The following MRPL21 variants were observed in gnomAD, a reference collection of about 807,000 sequenced individuals.
MRPL21 encodes large ribosomal subunit protein bL21m.
Under a neutral mutation model 27.3 loss-of-function variants are expected in MRPL21, and 20 were observed. The ratio of observed to expected loss-of-function variants is 0.73; its 90% CI spans 0.52 to 1.06. The LOEUF is 1.06. Ranked by LOEUF, MRPL21 falls within the 50% of genes least tolerant of loss-of-function variation. The pLI is 0.00. For synonymous variants in MRPL21, 98 were observed against 101.5 expected (o/e 0.97, Z 0.21); for missense variants, 249 against 251.4 (o/e 0.99, Z 0.06).
rs1315192538 is a variant in MRPL21, at chr11:68,891,863, A to C, written c.554-468T>G. 1.3e-5 allele frequency: 6 copies of C among 475,562 alleles called. No homozygotes were observed. In the East Asian group the frequency reaches 1.8e-4, roughly 15 times the overall value. 29.5% of individuals were successfully genotyped at this position (475,562 alleles called of 1,614,324 possible). On this transcript the variant is annotated intron_variant, in intron 6 of 6. Coordinates refer to ENST00000362034, the MANE Select transcript of MRPL21 (RefSeq NM_181514.2). ...AACTGCAGTTATAGCAAGAGCTGTG[A>C]GGGACAGAATTCTGCAGCCGCTCAG...
At chr11:68,893,351 G>C in intron 5 of MRPL21, 52 bp downstream of exon 5, 1 of 1,612,750 alleles carries the variant, frequency 6.2e-7, no homozygotes, top group Non-Finnish European at 8.5e-7. Flanking sequence ...ACCACTGTCT[G>C]CATGTCCAGC....
chr11:68,891,952 T>C, intron 6 of MRPL21: 2 of 683,952 alleles, frequency 2.9e-6, no homozygotes, highest in Non-Finnish European at 4.4e-6. Flanking sequence ...ATGTCCTCAG[T>C]GCAGACCTGC....
chr11:68,900,531 C>G lies in MRPL21; in HGVS notation c.146+17G>C. 1 of 1,610,742 alleles carries G rather than the reference C, an allele frequency of 6.2e-7. No homozygotes were observed. Reference sequence around the variant, plus strand: ...ATGAAAGGAAAAGAGGCACCAAAACCCACATTTTGATATTACCCTGGTAGA... The same window carrying G: ...ATGAAAGGAAAAGAGGCACCAAAACGCACATTTTGATATTACCCTGGTAGA... On this transcript the variant is annotated intron_variant, in intron 2 of 6. Coordinates refer to ENST00000362034, the MANE Select transcript of MRPL21 (RefSeq NM_181514.2).
chr11:68,892,630 C>T (rs569717326), intron 6 of MRPL21: 2 of 1,385,282 alleles, frequency 1.4e-6, no homozygotes, highest in African/African-American at 1.6e-5. Context: ...AGAAGGGGAG[C>T]GAGGTGGGGT....
intron 3 of MRPL21, 160 bp from the exon 4 acceptor site, chr11:68,896,838 C>G: frequency 1.2e-6 from 1 of 827,450 alleles, no homozygotes; most frequent in Non-Finnish European, 1.9e-6. Flanking sequence ...TGCTCCACCC[C>G]CTGCAGGCAC....
At chr11:68,894,935 A>C (rs1489087675) in intron 4 of MRPL21, among the ~76,000 whole-genome samples, 2 of 152,216 alleles carry the variant, frequency 1.3e-5, no homozygotes, top group African/African-American at 2.4e-5. Flanking sequence ...CATCCCAGAA[A>C]AATTACCTGT....
Position 68,892,784 on chromosome 11 carries a change from C to T in MRPL21, c.553+106G>A, listed in dbSNP as rs1368368447. ...GCAGTGGCAGCCAGGTTGAGACCTG[C>T]CTGGGCTTCCTGTCCCGAGACCCAC... On this transcript the variant is annotated intron_variant, in intron 6 of 6. Coordinates refer to ENST00000362034, the MANE Select transcript of MRPL21 (RefSeq NM_181514.2). 1.9e-6 allele frequency: 3 copies of T among 1,548,198 alleles called. No homozygotes were observed. The South Asian group carries it at 3.5e-5, about 18-fold the overall frequency.
intron 4 of MRPL21, among the ~76,000 whole-genome samples, chr11:68,895,659 A>G (rs1857768904): frequency 6.6e-6 from 1 of 152,176 alleles, no homozygotes; most frequent in South Asian, 2.1e-4. Context: ...GAAAAATAAT[A>G]ATAAACAGAC....
At chr11:68,897,331 GAC>G (rs1430596934) in intron 3 of MRPL21, among the ~76,000 whole-genome samples, 2 of 152,146 alleles carry the variant, frequency 1.3e-5, no homozygotes, top group African/African-American at 4.8e-5. Flanking sequence ...CAGAAGGGAC[GAC>G]AGAGTGCCTG....
rs765619629 is a variant in MRPL21, at chr11:68,898,019, A to G, written c.147-7T>C. 2 of 1,612,004 alleles carry G rather than the reference A, an allele frequency of 1.2e-6. No homozygotes were observed. Among genetic ancestry groups the G allele is most frequent in the Admixed American group, 3.3e-5 (2 of 60,012 alleles). ...GGATGTTTTAGGAACATATCTGTAA[A>G]ACACATTTCGTAGACAAATGTCACA... On this transcript the variant is annotated splice_polypyrimidine_tract_variant and splice_region_variant and intron_variant, in intron 2 of 6. Coordinates refer to ENST00000362034, the MANE Select transcript of MRPL21 (RefSeq NM_181514.2).
chr11:68,895,577 G>C (rs898262698), intron 4 of MRPL21, among the ~76,000 whole-genome samples: 2 of 151,994 alleles, frequency 1.3e-5, no homozygotes, highest in African/African-American at 4.8e-5. Context: ...TTGAACCCAG[G>C]AGGTGGGGGT....
intron 2 of MRPL21, among the ~76,000 whole-genome samples, chr11:68,899,976 G>A (rs562272726): frequency 3.3e-5 from 5 of 152,292 alleles, no homozygotes; most frequent in East Asian, 1.9e-4. Context: ...AGGGGCAGCC[G>A]GAACTGCACC....
chr11:68,897,359 C>T (rs993561791), intron 3 of MRPL21, among the ~76,000 whole-genome samples: 1 of 152,326 alleles, frequency 6.6e-6, no homozygotes, highest in East Asian at 1.9e-4. Flanking sequence ...GAAACACTGT[C>T]AACACCAGAA....
At chr11:68,896,316 A>G (rs1043175180) in intron 4 of MRPL21, among the ~76,000 whole-genome samples, 199 bp downstream of exon 4, 4 of 152,210 alleles carry the variant, frequency 2.6e-5, no homozygotes, top group Non-Finnish European at 5.9e-5. Context: ...CACCGCCCTC[A>G]GAGCAGTGGA....
At position 68,903,814 on chromosome 11, in the gene MRPL21, C is replaced by CGCCGCCATCTTCCT. The variant is rs1566420748; in HGVS notation, c.-5_-4insAGGAAGATGGCGGC. ...CCGTCAGGGAAGATGCTGCCATGGC[C>CGCCGCCATCTTCCT]GCAGCCTCGGCCGGAAACGGAAACG... On this transcript the variant is annotated 5_prime_UTR_variant, in exon 1 of 7. In the 5' UTR this introduces an upstream ATG that the reference lacks. Transcript: ENST00000362034. 1.9e-6 allele frequency: 3 copies of CGCCGCCATCTTCCT among 1,612,730 alleles called. No homozygotes were observed. Among genetic ancestry groups the CGCCGCCATCTTCCT allele is most frequent in the Non-Finnish European group, 2.5e-6 (3 of 1,179,756 alleles).
At chr11:68,898,322 T>A (rs1174845025) in intron 2 of MRPL21, among the ~76,000 whole-genome samples, 1 of 152,178 alleles carries the variant, frequency 6.6e-6, no homozygotes, top group Admixed American at 6.5e-5. Flanking sequence ...GCTTGTGGTG[T>A]CTTGGGGCAC....
chr11:68,892,763 T>G, intron 6 of MRPL21, 127 bp downstream of exon 6: 1 of 1,541,764 alleles, frequency 6.5e-7, no homozygotes, highest in East Asian at 2.4e-5. Context: ...AAGTGGGCAG[T>G]GGCAGCCAGG....
At position 68,900,628 on chromosome 11, in the gene MRPL21, GATC is replaced by G. The variant is rs756569873; in HGVS notation, c.89-26_89-24del. The G allele has an allele frequency of 3.5e-5, 56 of 1,597,870 alleles. 1 individual carries two copies. In the Admixed American group the frequency reaches 9.2e-4, roughly 26 times the overall value. The stretch of plus-strand genomic sequence containing the variant: ...AGGCTGAGGGAAGAAGAGAAACACA[GATC>G]ATTACCATTAATACTACAAATGCAA... On this transcript the variant is annotated intron_variant, in intron 1 of 6. Transcript: ENST00000362034.
At chr11:68,895,609 C>T (rs1857767596) in intron 4 of MRPL21, among the ~76,000 whole-genome samples, 1 of 152,202 alleles carries the variant, frequency 6.6e-6, no homozygotes, top group South Asian at 2.1e-4. Flanking sequence ...AAGACTGCGC[C>T]ATTGCACTCC....
Sources: allele counts gnomAD v4.1 joint callset (sites outside exome capture counted in the v4.1 genomes callset), GRCh38; gene constraint gnomAD v4.1.1; transcripts MANE v1.5; gene names NCBI Gene and HGNC (gene_info 2026-07-23, HGNC 2026-07-21).